Variants in ARK2C observed in about 807,000 individuals in gnomAD.
The protein encoded by ARK2C is arkadia (RNF111) C-terminal like ring finger ubiquitin ligase 2C, also known as E3 ubiquitin-protein ligase ARK2C.
chr18:46,391,621 T>C, the ARK2C span, among the ~76,000 whole-genome samples: 1 of 151,960 alleles, frequency 6.6e-6, no homozygotes, highest in Non-Finnish European at 1.5e-5. Flanking sequence ...TCCCTCACCC[T>C]GAGCTGTTCT....
chr18:46,435,428 G>C, the ARK2C span: 1 of 1,516,218 alleles, frequency 6.6e-7, no homozygotes, highest in Non-Finnish European at 9.2e-7. Flanking sequence ...GGGAGGAAGG[G>C]AGGAAGGGAG....
the ARK2C span, among the ~76,000 whole-genome samples, chr18:46,349,754 C>G: frequency 6.6e-6 from 1 of 152,150 alleles, no homozygotes; most frequent in Non-Finnish European, 1.5e-5. Flanking sequence ...AGTGGAGTTT[C>G]TTGCCTATCT....
the ARK2C span, among the ~76,000 whole-genome samples, chr18:46,401,723 T>A: frequency 6.6e-6 from 1 of 152,250 alleles, no homozygotes; most frequent in African/African-American, 2.4e-5. Context: ...CCCGTGAGGT[T>A]CAGGCTTCTC....
chr18:46,346,688 A>G, the ARK2C span, among the ~76,000 whole-genome samples: 1 of 152,232 alleles, frequency 6.6e-6, no homozygotes, highest in Non-Finnish European at 1.5e-5. Flanking sequence ...TCTCACTCAT[A>G]TAAAGTACGA....
the ARK2C span, among the ~76,000 whole-genome samples, chr18:46,369,874 G>A: frequency 1.3e-5 from 2 of 152,286 alleles, no homozygotes; most frequent in South Asian, 4.1e-4. Context: ...CCCGGGGCCC[G>A]TTGGGCCCAT....
At chr18:46,378,217 C>T in the ARK2C span, among the ~76,000 whole-genome samples, 1 of 152,178 alleles carries the variant, frequency 6.6e-6, no homozygotes, top group South Asian at 2.1e-4. Context: ...GTCGTGGTGT[C>T]CAAAAGCAAG....
chr18:46,369,051 A>G, the ARK2C span, among the ~76,000 whole-genome samples: 1 of 152,378 alleles, frequency 6.6e-6, no homozygotes, highest in South Asian at 2.1e-4. Context: ...TTAAGAATTC[A>G]CGGTCCTGAG....
the ARK2C span, among the ~76,000 whole-genome samples, chr18:46,390,601 G>A: frequency 6.6e-6 from 1 of 152,202 alleles, no homozygotes; most frequent in Non-Finnish European, 1.5e-5. Flanking sequence ...TTCTCAAAGT[G>A]ATAGAAATAA....
chr18:46,452,003 A>G, the ARK2C span, among the ~76,000 whole-genome samples: 1 of 152,162 alleles, frequency 6.6e-6, no homozygotes, highest in Non-Finnish European at 1.5e-5. Flanking sequence ...GGAGGGAGGG[A>G]GGAATGAATG....
the ARK2C span, among the ~76,000 whole-genome samples, chr18:46,368,976 T>C: frequency 6.6e-6 from 1 of 152,258 alleles, no homozygotes; most frequent in East Asian, 1.9e-4. Context: ...TGCCAGGCAC[T>C]ATGGTACTTA....
chr18:46,355,899 C>A, the ARK2C span, among the ~76,000 whole-genome samples: 2 of 152,160 alleles, frequency 1.3e-5, no homozygotes, highest in Admixed American at 6.5e-5. Context: ...TGGATGATGA[C>A]GACAATGGTG....
chr18:46,433,633 C>T, the ARK2C span: 1 of 785,506 alleles, frequency 1.3e-6, no homozygotes, highest in Non-Finnish European at 2.0e-6. Flanking sequence ...GGGCTACAGG[C>T]TCCTAGACTC....
At chr18:46,420,302 G>A in the ARK2C span, among the ~76,000 whole-genome samples, 1 of 152,182 alleles carries the variant, frequency 6.6e-6, no homozygotes, top group African/African-American at 2.4e-5. Context: ...CAGAACAGAG[G>A]AGGGCACAGG....
the ARK2C span, among the ~76,000 whole-genome samples, chr18:46,422,718 C>T: frequency 6.6e-6 from 1 of 152,198 alleles, no homozygotes; most frequent in African/African-American, 2.4e-5. Flanking sequence ...GCATCATCTC[C>T]TGGTGGGCCA....
the ARK2C span, among the ~76,000 whole-genome samples, chr18:46,371,489 G>GAGA: frequency 9.4e-3 from 1,439 of 152,314 alleles, 21 homozygotes; most frequent in African/African-American, 0.033. Context: ...CTGGTTAAGG[G>GAGA]AGAAGTTAAA....
At chr18:46,336,094 C>T in the ARK2C span, 19 of 985,002 alleles carry the variant, frequency 1.9e-5, no homozygotes, top group Middle Eastern at 1.5e-3. Context: ...GGGCTGGATG[C>T]GATCTCCTTG....
At chr18:46,372,646 T>A in the ARK2C span, among the ~76,000 whole-genome samples, 8 of 151,622 alleles carry the variant, frequency 5.3e-5, no homozygotes, top group Non-Finnish European at 1.0e-4. Flanking sequence ...GGGTTGGGGG[T>A]CTCCTGTTAG....
chr18:46,370,422 A>G, the ARK2C span, among the ~76,000 whole-genome samples: 1 of 152,206 alleles, frequency 6.6e-6, no homozygotes, highest in African/African-American at 2.4e-5. Context: ...ACACAGGTCT[A>G]GTTCTCATGA....
At chr18:46,421,231 T>C in the ARK2C span, among the ~76,000 whole-genome samples, 1 of 152,228 alleles carries the variant, frequency 6.6e-6, no homozygotes, top group East Asian at 1.9e-4. Flanking sequence ...ACCTTGCACT[T>C]TATCTGCTTT....
Sources: gnomAD v4.1 joint callset for allele counts (sites outside exome capture counted in the v4.1 genomes callset) on GRCh38, gnomAD v4.1.1 for gene constraint, MANE v1.5 for transcripts, NCBI Gene and HGNC (gene_info 2026-07-23, HGNC 2026-07-21) for gene names.